SGSH: variants seen among roughly 807,000 people sequenced by gnomAD.
SGSH encodes the protein N-sulfoglucosamine sulfohydrolase.
A neutral mutation model predicts 51.0 loss-of-function variants in SGSH; 48 were observed. The observed-to-expected ratio is 0.94, with a 90% CI of 0.75 to 1.20. The LOEUF (loss-of-function observed/expected upper bound fraction) is 1.20, where lower values mean the gene tolerates loss of function less well. Ranked by LOEUF, SGSH falls within the 50% of genes most tolerant of loss-of-function variation. SGSH has a pLI of 0.00. For synonymous variants in SGSH, 321 were observed against 313.4 expected, an observed-to-expected ratio of 1.02 and a Z score of -0.26; for missense variants, 662 against 717.8, an observed-to-expected ratio of 0.92 and a Z score of 0.89.
rs766929408 is a variant in SGSH, at chr17:80,217,202, G to A, written c.89-10C>T. 64 of 1,595,248 alleles carry A rather than the reference G, an allele frequency of 4.0e-5. No homozygotes were observed. Among genetic ancestry groups the A allele is most frequent in the Non-Finnish European group, 5.2e-5 (61 of 1,176,188 alleles). ...AAGCCTCCGTCATCCGCTGCGTGAG[G>A]TGGGAGACAGAGAGTGCACGGTCGG... On this transcript the variant is annotated splice_polypyrimidine_tract_variant and intron_variant, in intron 1 of 7. Transcript: ENST00000326317.
At chr17:80,216,838 G>T (rs2041908125) in intron 2 of SGSH, 194 bp downstream of exon 2, 1 of 609,036 alleles carries the variant, frequency 1.6e-6, no homozygotes. Flanking sequence ...CAGCAGTGCA[G>T]CCAGGGCTGG....
Position 80,210,644 on chromosome 17 carries a change from G to T in SGSH, c.1317C>A (p.Tyr439Ter), listed in dbSNP as rs146522699. The T allele has an allele frequency of 6.2e-7, 1 of 1,614,006 alleles. No individual in the cohort carries two copies. The highest frequency in any genetic ancestry group is 1.3e-5 in the African/African-American group (1 of 75,068). The change falls in exon 8 of 8, where the codon TAC (tyrosine) becomes TAA (stop). Residue 439 changes from tyrosine to a stop codon, truncating the protein, a stop_gained. Transcript: ENST00000326317. LOFTEE classifies it high-confidence loss of function. ...TCTCGTGGGGGTCCCGGCTCCGGTCGTAGAGCTCCCAGCGCGCCCGGTAGT... is the reference window on the plus strand; with the variant it reads ...TCTCGTGGGGGTCCCGGCTCCGGTCTTAGAGCTCCCAGCGCGCCCGGTAGT... Reference protein sequence around the residue: ...HYYYRARWELYDRSRDPHETQ... With the variant: ...HYYYRARWEL
chr17:80,204,627 G>GAA (rs35116471), downstream of SGSH: 74 of 292,338 alleles, frequency 2.5e-4, no homozygotes, highest in South Asian at 6.0e-4. Flanking sequence ...TCTGTCTCAG[G>GAA]AAAAAAAAAA....
chr17:80,219,421 T>G lies in SGSH; in HGVS notation c.88+805A>C, dbSNP rs150876301. Among the ~76,000 whole-genome samples the G allele has an allele frequency of 1.1e-4, 17 of 152,340 alleles. No individual in the cohort carries two copies. In the South Asian group the frequency reaches 1.2e-3, roughly 11 times the overall value. ...GAAAGGCCCTAGCCCAGGGGCCGCA[T>G]AGCCTGGACTCTGACAGCCTCCTGT... is the stretch of plus-strand genomic sequence containing the variant. On this transcript the variant is annotated intron_variant, in intron 1 of 7. Transcript: ENST00000326317.
chr17:80,213,622 G>A lies in SGSH; in HGVS notation c.745+182C>T, dbSNP rs994282438. ...AGCAGGTCCACATCAGGGCAGCCCC[G>A]GGGTTGGGTCCTGATGCCACCCACA... On this transcript the variant is annotated intron_variant, in intron 6 of 7. Transcript: ENST00000326317. The surrounding 1 kb of genome is among the most constrained non-coding windows in gnomAD (Gnocchi z 4.6). The A allele has an allele frequency of 2.7e-5, 17 of 629,562 alleles. No individual in the cohort carries two copies. In the East Asian group the frequency reaches 3.6e-4, roughly 13 times the overall value. The allele number at this position is 629,562 out of a possible 1,614,324, so 39.0% of individuals were successfully genotyped here. A position where few individuals can be genotyped will look rare whatever the true frequency, so the allele number is the denominator to read the frequency against.
chr17:80,216,518 C>T (rs1282906367), intron 2 of SGSH, among the ~76,000 whole-genome samples: 1 of 152,182 alleles, frequency 6.6e-6, no homozygotes, highest in Non-Finnish European at 1.5e-5. Flanking sequence ...TGTGAATGCA[C>T]TTAATGCCCC....
At chr17:80,214,933 G>A (rs760577060) in intron 3 of SGSH, 100 bp downstream of exon 3, 10 of 1,298,598 alleles carry the variant, frequency 7.7e-6, no homozygotes, top group East Asian at 7.3e-5. Context: ...GGCAGGCCAC[G>A]GGGGCTGAGC....
rs1488462647 is a variant in SGSH at position 80,209,638 on chromosome 17, T to A, written c.*814A>T. 1.1e-6 allele frequency: 1 copy of A among 940,554 alleles called. No individual in the cohort carries two copies. Among genetic ancestry groups the A allele is most frequent in the Non-Finnish European group, 1.3e-6 (1 of 790,392 alleles). The allele number at this position is 940,554 out of a possible 1,614,324, so 58.3% of individuals were successfully genotyped here. A position where few individuals can be genotyped will look rare whatever the true frequency, so the allele number is the denominator to read the frequency against. ...GGGCATTGCCACCCAGCAACGCCAG[T>A]GTCACCGAAGAATTAACCCAAGCCA... On this transcript the variant is annotated 3_prime_UTR_variant, in exon 8 of 8. Coordinates refer to ENST00000326317, the MANE Select transcript of SGSH (RefSeq NM_000199.5).
intron 2 of SGSH, 150 bp downstream of exon 2, chr17:80,216,882 G>T: frequency 2.6e-6 from 2 of 765,018 alleles, no homozygotes; most frequent in Non-Finnish European, 4.2e-6. Flanking sequence ...TGCACTCACA[G>T]CCATAGGCTG....
chr17:80,212,085 T>A lies in SGSH; in HGVS notation c.935A>T (p.Tyr312Phe), dbSNP rs1421922076. The A allele has an allele frequency of 1.9e-6, 3 of 1,613,376 alleles. No individual in the cohort carries two copies. The highest frequency in any genetic ancestry group is 2.7e-5 in the African/African-American group (2 of 74,922). The change falls in exon 7 of 8, where the codon TAC becomes TTC. Residue 312 changes from tyrosine (Y) to phenylalanine (F), a missense_variant. Transcript: ENST00000326317. This position sits in a 1 kb window ranked among gnomAD's most constrained non-coding sequence, Gnocchi z 5.9. ...CAAAGGCATACCTAGGAGGCTCACG[T>A]AGGCCTCGCTGACTTGGCCCCAGCG... Reference protein sequence around the residue: ...PKRWGQVSEAYVSLLDLTPTI... With the variant: ...PKRWGQVSEAFVSLLDLTPTI...
downstream of SGSH, chr17:80,204,666 G>A: frequency 2.6e-6 from 1 of 386,152 alleles, no homozygotes; most frequent in Non-Finnish European, 4.7e-6. Flanking sequence ...CAGGACAGAG[G>A]GAGGGCTAGG....
chr17:80,207,973 G>A (rs144103577), downstream of SGSH, among the ~76,000 whole-genome samples: 20 of 152,270 alleles, frequency 1.3e-4, no homozygotes, highest in East Asian at 1.7e-3. Context: ...TAGACAACCT[G>A]CCTCCCACCA....
downstream of SGSH, chr17:80,204,257 C>T (rs577478029): frequency 3.6e-5 from 57 of 1,597,530 alleles, no homozygotes; most frequent in Non-Finnish European, 4.5e-5. Context: ...GAAGCTGGTC[C>T]GCATCGTCAG....
In SGSH at chr17:80,214,768, G is replaced by C. The variant is rs1361176382; in HGVS notation, c.356-3C>G. ...CACGTGCTTCTTCCCGATGATGCCT[G>C]GGCGGGAAGAGAGGCCTGGCCAGAG... On this transcript the variant is annotated splice_region_variant and splice_polypyrimidine_tract_variant and intron_variant, in intron 3 of 7. Coordinates refer to ENST00000326317, the MANE Select transcript of SGSH (RefSeq NM_000199.5). 6.2e-7 allele frequency: 1 copy of C among 1,610,702 alleles called. No homozygotes were observed. Among genetic ancestry groups the C allele is most frequent in the Admixed American group, 1.7e-5 (1 of 60,024 alleles).
In SGSH at chr17:80,211,022, C is replaced by T. The variant is rs374872971; in HGVS notation, c.950-11G>A. 26 of 1,598,116 alleles carry T rather than the reference C, an allele frequency of 1.6e-5. No individual in the cohort carries two copies. The highest frequency in any genetic ancestry group is 1.6e-4 in the Middle Eastern group (1 of 6,068). On this transcript the variant is annotated splice_polypyrimidine_tract_variant and intron_variant, in intron 7 of 7. Coordinates refer to ENST00000326317, the MANE Select transcript of SGSH (RefSeq NM_000199.5). ...TGGTGGGCGTGAGGTCTGGAAGGGA[C>T]GCGGCATCTCAGAGCAGCAGAGCCC...
chr17:80,207,864 C>CA (rs759593746), downstream of SGSH, among the ~76,000 whole-genome samples: 152 of 132,910 alleles, frequency 1.1e-3, no homozygotes, highest in African/African-American at 1.5e-3. Context: ...CGGCTAAGGA[C>CA]AAAAAAAAAA....
intron 7 of SGSH, 125 bp downstream of exon 7, chr17:80,211,946 C>T: frequency 1.3e-6 from 1 of 790,368 alleles, no homozygotes; most frequent in South Asian, 1.5e-5. Flanking sequence ...AGTGACAGTC[C>T]CTTCCTCACC....
In SGSH at chr17:80,213,975, T is replaced by C. The variant is rs746167494; in HGVS notation, c.664-90A>G. The C allele has an allele frequency of 5.0e-5, 69 of 1,382,386 alleles. No individual in the cohort carries two copies. The highest frequency in any genetic ancestry group is 6.2e-5 in the Non-Finnish European group (62 of 1,000,334). 85.6% of individuals were successfully genotyped at this position (1,382,386 alleles called of 1,614,324 possible). A position where few individuals can be genotyped will look rare whatever the true frequency, so the allele number is the denominator to read the frequency against. On this transcript the variant is annotated intron_variant, in intron 5 of 7. Transcript: ENST00000326317. The surrounding 1 kb of genome is among the most constrained non-coding windows in gnomAD (Gnocchi z 4.6). ...TCCCCGGGGCCTCCTGCAAATGGGT[T>C]AGCCCAGAACAGCCTCACTCCGGAC...
Position 80,215,767 on chromosome 17 carries a change from C to T in SGSH, c.250-629G>A, listed in dbSNP as rs539335340. ...CTGGGAGGTGGAGGTTGCAGTGAGC[C>T]GAGATCACACCACTGCACTCCAGCC... On this transcript the variant is annotated intron_variant, in intron 2 of 7. Transcript: ENST00000326317. Among the ~76,000 whole-genome samples, 37 of 151,764 alleles carry T rather than the reference C, an allele frequency of 2.4e-4. No homozygotes were observed. In the South Asian group the frequency reaches 3.3e-3, roughly 14 times the overall value.
Sources: allele counts gnomAD v4.1 joint callset (sites outside exome capture counted in the v4.1 genomes callset), GRCh38; gene constraint gnomAD v4.1.1; non-coding constraint Gnocchi (gnomAD v3.1); transcripts MANE v1.5; gene names NCBI Gene and HGNC (gene_info 2026-07-23, HGNC 2026-07-21).